The following CCSER2 variants were observed in gnomAD, a reference collection of about 807,000 sequenced individuals.
The protein encoded by CCSER2 is coiled-coil serine rich protein 2.
A neutral mutation model predicts 92.3 loss-of-function variants in CCSER2; 46 were observed. The observed-to-expected ratio is 0.50, with a 90% CI of 0.39 to 0.64. CCSER2 has a LOEUF of 0.64. Among genes scored for constraint, CCSER2 ranks in the 30% least tolerant of loss-of-function variants. The pLI is 0.00. For missense variants in CCSER2, 1,244 were observed against 1,238.9 expected, an observed-to-expected ratio of 1.00 and a Z score of -0.06; for synonymous variants, 433 against 431.4, an observed-to-expected ratio of 1.00 and a Z score of -0.04.
chr10:84,487,968 A>G (rs1050161295), intron 9 of CCSER2, among the ~76,000 whole-genome samples: 2 of 152,064 alleles, frequency 1.3e-5, no homozygotes, highest in Non-Finnish European at 2.9e-5. Context: ...GAATTTTGTC[A>G]ATGGCCTTTT....
intron 1 of CCSER2, among the ~76,000 whole-genome samples, chr10:84,336,438 G>C (rs1188731178): frequency 1.3e-5 from 2 of 152,222 alleles, no homozygotes; most frequent in South Asian, 4.1e-4. Flanking sequence ...TGATGCTGCT[G>C]TTTTATCTAA....
chr10:84,332,003 A>C (rs1843584317), intron 1 of CCSER2, among the ~76,000 whole-genome samples: 1 of 152,178 alleles, frequency 6.6e-6, no homozygotes, highest in African/African-American at 2.4e-5. Context: ...CCTTTGGGCT[A>C]AAGGCCCAGG....
At chr10:84,460,111 A>C (rs1268690366) in intron 6 of CCSER2, among the ~76,000 whole-genome samples, 1 of 91,470 alleles carries the variant, frequency 1.1e-5, no homozygotes, top group African/African-American at 3.8e-5. Flanking sequence ...TTTTTTTGAG[A>C]CAGAGTCTCA....
At chr10:84,419,928 G>A (rs970274514) in intron 4 of CCSER2, among the ~76,000 whole-genome samples, 5 of 152,222 alleles carry the variant, frequency 3.3e-5, no homozygotes, top group African/African-American at 9.6e-5. Flanking sequence ...GTAGAACACA[G>A]AGGAAAAACA....
chr10:84,336,021 C>T lies in CCSER2; in HGVS notation c.-40+7213C>T, dbSNP rs535905486. ...CTTTCTGTTTTGTTTTGTTTCTTTT[C>T]CTTATTTAAAATTTTTTCTCAGGTA... On this transcript the variant is annotated intron_variant, in intron 1 of 9. Coordinates refer to ENST00000372088, the MANE Select transcript of CCSER2 (RefSeq NM_001284240.2). Among the ~76,000 whole-genome samples the T allele has an allele frequency of 1.2e-4, 18 of 152,042 alleles. 1 individual carries two copies. The highest frequency in any genetic ancestry group is 1.5e-4 in the Non-Finnish European group (10 of 67,962).
chr10:84,415,269 C>T (rs1435692008), intron 3 of CCSER2, among the ~76,000 whole-genome samples: 4 of 152,192 alleles, frequency 2.6e-5, no homozygotes, highest in African/African-American at 4.8e-5. Flanking sequence ...GATTCTTTCT[C>T]ATATTTATGG....
At position 84,473,357 on chromosome 10, in the gene CCSER2, G is replaced by A. The variant is rs752356931; in HGVS notation, c.2235+2899G>A. Among the ~76,000 whole-genome samples, 19 of 152,192 alleles carry A rather than the reference G, an allele frequency of 1.2e-4. No homozygotes were observed. The East Asian group carries it at 1.9e-3, about 15-fold the overall frequency. On this transcript the variant is annotated intron_variant, in intron 8 of 9. Transcript: ENST00000372088. ...CAAATTGCAGAGGAGCTGTGGCCCCGTACCAGGAGAACTTCGTGATATTTT... is the reference window on the plus strand; with the variant it reads ...CAAATTGCAGAGGAGCTGTGGCCCCATACCAGGAGAACTTCGTGATATTTT...
chr10:84,439,198 CT>C (rs10654679), intron 6 of CCSER2, among the ~76,000 whole-genome samples: 4 of 139,778 alleles, frequency 2.9e-5, no homozygotes, highest in Admixed American at 7.2e-5. Context: ...TTTTTCTTTT[CT>C]TTTTTTTTTT....
intron 8 of CCSER2, among the ~76,000 whole-genome samples, chr10:84,476,465 A>G (rs1265697186): frequency 1.3e-4 from 11 of 82,138 alleles, no homozygotes; most frequent in African/African-American, 5.2e-4. Flanking sequence ...TTTTTTTTGA[A>G]ATGGTGTCTC....
At chr10:84,424,472 T>A (rs1274381317) in intron 4 of CCSER2, among the ~76,000 whole-genome samples, 1 of 152,222 alleles carries the variant, frequency 6.6e-6, no homozygotes, top group Non-Finnish European at 1.5e-5. Flanking sequence ...TGTTTTAAAT[T>A]GTTATACATT....
chr10:84,449,103 G>A (rs1350711924), intron 6 of CCSER2, among the ~76,000 whole-genome samples: 4 of 152,204 alleles, frequency 2.6e-5, no homozygotes, highest in Middle Eastern at 3.2e-3. Context: ...GGCCAGGCGC[G>A]GTGGCCCATG....
At chr10:84,499,370 G>A (rs893767475) in intron 9 of CCSER2, among the ~76,000 whole-genome samples, 2 of 152,014 alleles carry the variant, frequency 1.3e-5, no homozygotes, top group Non-Finnish European at 2.9e-5. Context: ...TCCTGACCTC[G>A]TGATCCACCC....
chr10:84,351,199 G>A (rs1316206895), intron 1 of CCSER2, among the ~76,000 whole-genome samples: 1 of 152,040 alleles, frequency 6.6e-6, no homozygotes, highest in Non-Finnish European at 1.5e-5. Context: ...TTGTATAGTT[G>A]TGTTAGGGTG....
Position 84,373,681 on chromosome 10 carries a change from A to G in CCSER2, c.1480A>G (p.Arg494Gly). The stretch of plus-strand genomic sequence containing the variant: ...TTTGGTTTCACCAGATACAGACTAC[A>G]GAGCTGGTTCTTCGTTTGAACTCTC... ...NNLVSPDTDY[R>G]AGSSFELSPS... is the part of the protein sequence containing the mutation. The change falls in exon 3 of 10, where the codon AGA becomes GGA. Residue 494 changes from arginine to glycine, a missense_variant. Physicochemically the swap from Arg to Gly is moderately radical, Grantham distance 125 (BLOSUM62 -2). Coordinates refer to ENST00000372088, the MANE Select transcript of CCSER2 (RefSeq NM_001284240.2). The G allele has an allele frequency of 6.2e-7, 1 of 1,613,656 alleles. No homozygotes were observed. Among genetic ancestry groups the G allele is most frequent in the Non-Finnish European group, 8.5e-7 (1 of 1,179,690 alleles).
intron 1 of CCSER2, among the ~76,000 whole-genome samples, chr10:84,355,626 A>G (rs1332077845): frequency 6.6e-6 from 1 of 152,048 alleles, no homozygotes; most frequent in Admixed American, 6.6e-5. Flanking sequence ...TTTATCCACA[A>G]CCTCTATCTT....
intron 5 of CCSER2, among the ~76,000 whole-genome samples, chr10:84,435,960 A>G (rs1275995428): frequency 6.6e-6 from 1 of 151,950 alleles, no homozygotes; most frequent in Non-Finnish European, 1.5e-5. Context: ...ACTGACAAAG[A>G]CTACTCAGAG....
chr10:84,354,381 G>A lies in CCSER2; in HGVS notation c.-39-16633G>A, dbSNP rs183221576. 6.4e-4 allele frequency among the ~76,000 whole-genome samples: 98 copies of A among 152,068 alleles called. 1 individual carries two copies. Among genetic ancestry groups the A allele is most frequent in the African/African-American group, 2.3e-3 (95 of 41,476 alleles). ...TGTCTCCTGAAACTGCTTTGGCAAA[G>A]GTGACCAAATTTGTAAACTACTAAG... On this transcript the variant is annotated intron_variant, in intron 1 of 9. Coordinates refer to ENST00000372088, the MANE Select transcript of CCSER2 (RefSeq NM_001284240.2).
At chr10:84,338,037 T>C (rs1843937418) in intron 1 of CCSER2, among the ~76,000 whole-genome samples, 1 of 152,024 alleles carries the variant, frequency 6.6e-6, no homozygotes. Context: ...TCTCAGTACT[T>C]TGGGAGGCTG....
chr10:84,348,839 T>C (rs1844700704), intron 1 of CCSER2, among the ~76,000 whole-genome samples: 1 of 152,218 alleles, frequency 6.6e-6, no homozygotes, highest in African/African-American at 2.4e-5. Context: ...TACTTGTTAA[T>C]GTTTTTTGCC....
Sources: gnomAD v4.1 joint callset for allele counts (sites outside exome capture counted in the v4.1 genomes callset) on GRCh38, gnomAD v4.1.1 for gene constraint, MANE v1.5 for transcripts, NCBI Gene and HGNC (gene_info 2026-07-23, HGNC 2026-07-21) for gene names.